The following PPM1H variants were observed in gnomAD, a reference collection of about 807,000 sequenced individuals.
PPM1H encodes protein phosphatase, Mg2+/Mn2+ dependent 1H.
Under a neutral mutation model 54.9 loss-of-function variants are expected in PPM1H, and 27 were observed. That is an observed-to-expected ratio of 0.49 (90% confidence interval 0.36 to 0.68). The LOEUF (loss-of-function observed/expected upper bound fraction) is 0.68. Among genes scored for constraint, PPM1H ranks in the 30% least tolerant of loss-of-function variants. PPM1H has a pLI of 0.00. For missense variants in PPM1H, 596 were observed against 667.8 expected (o/e 0.89, Z 1.19); for synonymous variants, 305 against 270.8 (o/e 1.13, Z -1.24).
At chr12:62,687,352 C>T (rs1036469047) in intron 8 of PPM1H, among the ~76,000 whole-genome samples, 4 of 152,188 alleles carry the variant, frequency 2.6e-5, no homozygotes, top group South Asian at 4.1e-4. Context: ...ACTGCAACTT[C>T]GAGCTCCTGG....
chr12:62,919,644 C>T (rs1871731220), intron 1 of PPM1H, among the ~76,000 whole-genome samples: 1 of 151,978 alleles, frequency 6.6e-6, no homozygotes, highest in Non-Finnish European at 1.5e-5. Context: ...CAAAATTTTT[C>T]ACAAGGAATT....
chr12:62,860,199 G>A (rs755032170), intron 1 of PPM1H, among the ~76,000 whole-genome samples: 8 of 152,126 alleles, frequency 5.3e-5, no homozygotes, highest in Non-Finnish European at 1.2e-4. Flanking sequence ...AGGGGGGAAA[G>A]TCCCTTATAA....
chr12:62,901,932 A>C (rs1323976460), intron 1 of PPM1H, among the ~76,000 whole-genome samples: 2 of 152,206 alleles, frequency 1.3e-5, no homozygotes, highest in Non-Finnish European at 2.9e-5. Context: ...TTAGCTTCTA[A>C]GATTAGAATA....
intron 9 of PPM1H, 119 bp downstream of exon 9, chr12:62,667,059 C>G: frequency 8.6e-7 from 1 of 1,163,904 alleles, no homozygotes; most frequent in Non-Finnish European, 1.2e-6. Flanking sequence ...AGTTTGGTTA[C>G]TGTACCGTCC....
chr12:62,683,652 T>C lies in PPM1H; in HGVS notation c.1245+6047A>G, dbSNP rs563878153. On this transcript the variant is annotated intron_variant, in intron 8 of 9. Coordinates refer to ENST00000228705, the MANE Select transcript of PPM1H (RefSeq NM_020700.2). ...AAGGAAAAATGAAGCAGAAATAAAA[T>C]TGGGCCCCTGTGGTTCAGTCTAGCA... Among the ~76,000 whole-genome samples, 13 of 152,244 alleles carry C rather than the reference T, an allele frequency of 8.5e-5. No individual in the cohort carries two copies. In the East Asian group the frequency reaches 2.3e-3, roughly 27 times the overall value.
intron 9 of PPM1H, among the ~76,000 whole-genome samples, chr12:62,664,204 C>G (rs536422330): frequency 2.0e-5 from 3 of 152,176 alleles, no homozygotes; most frequent in Middle Eastern, 3.4e-3. Context: ...AAAGTTAGCT[C>G]ATGGCATAGA....
chr12:62,676,078 G>T (rs1194893045), intron 8 of PPM1H, among the ~76,000 whole-genome samples: 1 of 152,184 alleles, frequency 6.6e-6, no homozygotes, highest in Non-Finnish European at 1.5e-5. Flanking sequence ...CATGCTGATT[G>T]GTTCATGGGT....
chr12:62,719,992 G>C (rs776066844), intron 6 of PPM1H, among the ~76,000 whole-genome samples, 179 bp downstream of exon 6: 9 of 152,202 alleles, frequency 5.9e-5, no homozygotes, highest in Non-Finnish European at 1.3e-4. Flanking sequence ...GCAAACCAAG[G>C]CTCGTGATTT....
intron 4 of PPM1H, among the ~76,000 whole-genome samples, chr12:62,737,959 TGA>T (rs2076359634): frequency 6.6e-6 from 1 of 152,200 alleles, no homozygotes; most frequent in South Asian, 2.1e-4. Context: ...GCACCTTTTG[TGA>T]TCATGGTAAT....
At chr12:62,650,232 C>T (rs1026957771) in intron 9 of PPM1H, among the ~76,000 whole-genome samples, 2 of 152,140 alleles carry the variant, frequency 1.3e-5, no homozygotes, top group Non-Finnish European at 2.9e-5. Context: ...TTGTACAGCC[C>T]AGATAGCAGA....
chr12:62,727,709 G>A (rs745546341), intron 5 of PPM1H, among the ~76,000 whole-genome samples: 5 of 150,070 alleles, frequency 3.3e-5, no homozygotes, highest in Admixed American at 2.7e-4. Flanking sequence ...TGCCCAGGCC[G>A]GAATGCAGTG....
chr12:62,890,716 A>G (rs368406729), intron 1 of PPM1H, among the ~76,000 whole-genome samples: 1 of 89,480 alleles, frequency 1.1e-5, no homozygotes, highest in Non-Finnish European at 2.0e-5. Flanking sequence ...GTGTGTGTGT[A>G]TACACACACA....
At position 62,646,348 on chromosome 12, in the gene PPM1H, GA is replaced by G. The variant is rs926092190; in HGVS notation, c.*2140del. On this transcript the variant is annotated 3_prime_UTR_variant, in exon 10 of 10. Transcript: ENST00000228705. ...CTCTGGTGGCTTGAATAAAACTGGA[GA>G]AGCTCAAGGTAGGGCCCAGATAGAG... is the stretch of plus-strand genomic sequence containing the variant. 2.6e-5 allele frequency: 4 copies of G among 152,194 alleles called. No individual in the cohort carries two copies. The highest frequency in any genetic ancestry group is 9.7e-5 in the African/African-American group (4 of 41,436). The allele number at this position is 152,194 out of a possible 1,614,324, so 9.4% of individuals were successfully genotyped here. A position where few individuals can be genotyped will look rare whatever the true frequency, so the allele number is the denominator to read the frequency against.
chr12:62,904,874 A>G (rs543166087), intron 1 of PPM1H, among the ~76,000 whole-genome samples: 8 of 152,292 alleles, frequency 5.3e-5, no homozygotes, highest in African/African-American at 1.9e-4. Flanking sequence ...ATGCAAACCT[A>G]TAAGCTTTAA....
chr12:62,722,919 C>T lies in PPM1H; in HGVS notation c.955-2630G>A, dbSNP rs1339528711. Among the ~76,000 whole-genome samples the T allele has an allele frequency of 3.3e-5, 5 of 152,264 alleles. No homozygotes were observed. The South Asian group carries it at 6.2e-4, about 19-fold the overall frequency. On this transcript the variant is annotated intron_variant, in intron 5 of 9. Coordinates refer to ENST00000228705, the MANE Select transcript of PPM1H (RefSeq NM_020700.2). ...CAGATCTTTATAGAAGACATACATA[C>T]GTACACAGATGCTCCTCTGCTTACA... is the stretch of plus-strand genomic sequence containing the variant.
At chr12:62,852,970 A>C (rs1869250959) in intron 1 of PPM1H, among the ~76,000 whole-genome samples, 2 of 152,260 alleles carry the variant, frequency 1.3e-5, no homozygotes, top group South Asian at 4.1e-4. Context: ...AAACATCACA[A>C]GGAAACAACT....
At chr12:62,685,539 CA>C (rs532022013) in intron 8 of PPM1H, among the ~76,000 whole-genome samples, 98 of 152,282 alleles carry the variant, frequency 6.4e-4, no homozygotes, top group African/African-American at 2.3e-3. Context: ...TCCAATTTCC[CA>C]ATCTGTAAAT....
At chr12:62,764,367 G>A (rs1394142870) in intron 4 of PPM1H, among the ~76,000 whole-genome samples, 1 of 152,148 alleles carries the variant, frequency 6.6e-6, no homozygotes, top group African/African-American at 2.4e-5. Flanking sequence ...ATGCTAGACA[G>A]AGCCAAACCA....
intron 8 of PPM1H, among the ~76,000 whole-genome samples, chr12:62,687,466 T>C (rs1452174422): frequency 6.6e-6 from 1 of 152,076 alleles, no homozygotes; most frequent in East Asian, 1.9e-4. Context: ...GGTCCTGCTA[T>C]GTTGCCCATG....
Sources: gnomAD v4.1 joint callset for allele counts (sites outside exome capture counted in the v4.1 genomes callset) on GRCh38, gnomAD v4.1.1 for gene constraint, MANE v1.5 for transcripts, NCBI Gene and HGNC (gene_info 2026-07-23, HGNC 2026-07-21) for gene names.